Variants in SOS2 observed in about 807,000 individuals in gnomAD.
SOS2 encodes son of sevenless homolog 2.
A neutral mutation model predicts 148.2 loss-of-function variants in SOS2; 65 were observed. The observed-to-expected ratio is 0.44, with a 90% CI of 0.36 to 0.54. The LOEUF (loss-of-function observed/expected upper bound fraction) is 0.54, where lower values mean the gene tolerates loss of function less well. Among genes scored for constraint, SOS2 ranks in the 20% least tolerant of loss-of-function variants. The pLI is 0.00. For missense variants in SOS2, 1,341 were observed against 1,590.2 expected (o/e 0.84, Z 2.67); for synonymous variants, 539 against 537.1 (o/e 1.00, Z -0.05).
intron 21 of SOS2, among the ~76,000 whole-genome samples, chr14:50,128,131 A>T (rs1432180025): frequency 6.6e-6 from 1 of 152,186 alleles, no homozygotes; most frequent in Admixed American, 6.5e-5. Context: ...AAAGAAGATG[A>T]GGAATCCAAA....
intron 1 of SOS2, among the ~76,000 whole-genome samples, chr14:50,213,448 A>G (rs969881831): frequency 6.6e-6 from 1 of 152,190 alleles, no homozygotes; most frequent in African/African-American, 2.4e-5. Context: ...CTATGATCTC[A>G]GCACTTTGGG....
At chr14:50,189,105 A>ACACG (rs1260098449) in intron 4 of SOS2, among the ~76,000 whole-genome samples, 6 of 146,410 alleles carry the variant, frequency 4.1e-5, no homozygotes, top group African/African-American at 1.5e-4. Flanking sequence ...ACACACACGC[A>ACACG]CACACAAATA....
intron 1 of SOS2, among the ~76,000 whole-genome samples, chr14:50,209,712 T>A (rs1368945872): frequency 1.3e-5 from 2 of 150,940 alleles, no homozygotes; most frequent in Admixed American, 1.3e-4. Flanking sequence ...GAGCCATGAT[T>A]ATGCCACTGC....
chr14:50,225,252 G>T (rs1887334211), intron 1 of SOS2, among the ~76,000 whole-genome samples: 1 of 152,104 alleles, frequency 6.6e-6, no homozygotes, highest in Non-Finnish European at 1.5e-5. Context: ...ACTGCACCTG[G>T]CCCATGGAAG....
chr14:50,130,757 C>T lies in SOS2; in HGVS notation c.3081G>A (p.Arg1027=). Residue 1027 remains arginine (R), a synonymous_variant, in exon 20 of 23, where the codon AGG becomes AGA. Coordinates refer to ENST00000216373, the MANE Select transcript of SOS2 (RefSeq NM_006939.4). The part of the protein sequence containing the change: ...RNCKQPPRFP[R]KSTFSLKSPG... ...GAGATTTTAAGGAAAAAGTTGATTT[C>T]CTAGGCTGAGAAAAGCAAACATAAT... 6.3e-7 allele frequency: 1 copy of T among 1,596,368 alleles called. No individual in the cohort carries two copies.
chr14:50,125,861 G>A (rs1390113541), intron 21 of SOS2, among the ~76,000 whole-genome samples: 2 of 152,192 alleles, frequency 1.3e-5, no homozygotes, highest in Non-Finnish European at 2.9e-5. Context: ...CCAGACTTGG[G>A]ATACTAGTCT....
intron 21 of SOS2, among the ~76,000 whole-genome samples, chr14:50,129,541 T>C (rs1426124055): frequency 6.6e-6 from 1 of 152,122 alleles, no homozygotes; most frequent in Non-Finnish European, 1.5e-5. Flanking sequence ...TGCACCACCA[T>C]ATCCGGCTAA....
chr14:50,164,011 T>C (rs931554939), intron 8 of SOS2, among the ~76,000 whole-genome samples: 2 of 152,236 alleles, frequency 1.3e-5, no homozygotes, highest in African/African-American at 2.4e-5. Context: ...ACAACGGCTC[T>C]GTTTGGCATA....
At chr14:50,195,108 A>G (rs1215850077) in intron 4 of SOS2, among the ~76,000 whole-genome samples, 1 of 152,200 alleles carries the variant, frequency 6.6e-6, no homozygotes, top group African/African-American at 2.4e-5. Context: ...ACAAAAAATC[A>G]ACAAGCACAA....
At chr14:50,218,223 A>G (rs968653619) in intron 1 of SOS2, among the ~76,000 whole-genome samples, 1 of 90,452 alleles carries the variant, frequency 1.1e-5, no homozygotes, top group African/African-American at 5.0e-5. Context: ...AAAAGGAAAA[A>G]AAAAAAAAAA....
chr14:50,132,061 G>A (rs1385267930), intron 19 of SOS2, among the ~76,000 whole-genome samples: 1 of 152,104 alleles, frequency 6.6e-6, no homozygotes, highest in Non-Finnish European at 1.5e-5. Context: ...TCAATGAAAT[G>A]TTAAATAAGT....
chr14:50,212,118 C>G (rs1024054526), intron 1 of SOS2, among the ~76,000 whole-genome samples: 1 of 152,148 alleles, frequency 6.6e-6, no homozygotes, highest in Admixed American at 6.5e-5. Context: ...AAAAAATAAA[C>G]AAATTCAGAA....
intron 1 of SOS2, among the ~76,000 whole-genome samples, chr14:50,207,731 C>A (rs1886711884): frequency 6.6e-6 from 1 of 151,208 alleles, no homozygotes; most frequent in Non-Finnish European, 1.5e-5. Flanking sequence ...CCTGGTGAAA[C>A]CCCGTCTCTA....
chr14:50,226,297 G>A (rs1346836906), intron 1 of SOS2, among the ~76,000 whole-genome samples: 1 of 152,116 alleles, frequency 6.6e-6, no homozygotes, highest in Non-Finnish European at 1.5e-5. Flanking sequence ...CCAGAAAGAA[G>A]CACAAATGTT....
chr14:50,191,096 T>C lies in SOS2; in HGVS notation c.511-2396A>G, dbSNP rs182725081. 3.0e-3 allele frequency among the ~76,000 whole-genome samples: 457 copies of C among 152,266 alleles called. 2 individuals carry two copies. The highest frequency in any genetic ancestry group is 0.01 in the African/African-American group (421 of 41,550). Reference sequence around the variant, plus strand: ...ACTATTGATCTAGTGTCAAATCTAATGGTGTGTTTTAGTCTTCCTACTTGT... The same window carrying C: ...ACTATTGATCTAGTGTCAAATCTAACGGTGTGTTTTAGTCTTCCTACTTGT... On this transcript the variant is annotated intron_variant, in intron 4 of 22. Transcript: ENST00000216373.
At chr14:50,142,210 G>C (rs1566824426) in intron 16 of SOS2, among the ~76,000 whole-genome samples, 1 of 151,960 alleles carries the variant, frequency 6.6e-6, no homozygotes, top group Non-Finnish European at 1.5e-5. Context: ...GTTTCATCAT[G>C]TTGGCCAGGC....
At chr14:50,191,502 T>C (rs10151344) in intron 4 of SOS2, among the ~76,000 whole-genome samples, 131,557 of 151,970 alleles carry the variant, frequency 0.87, 57,040 homozygotes, top group East Asian at 0.91. Flanking sequence ...ACCCCCCAGC[T>C]CCAAACAATT....
chr14:50,193,505 C>T lies in SOS2; in HGVS notation c.511-4805G>A, dbSNP rs1359481283. Among the ~76,000 whole-genome samples, 3 of 152,154 alleles carry T rather than the reference C, an allele frequency of 2.0e-5. No homozygotes were observed. The East Asian group carries it at 5.8e-4, about 29-fold the overall frequency. ...AGCAATCTTTGATATGCTAGAATAC[C>T]TCATATAGCCACATGTTATTTTTAT... On this transcript the variant is annotated intron_variant, in intron 4 of 22. Coordinates refer to ENST00000216373, the MANE Select transcript of SOS2 (RefSeq NM_006939.4).
At chr14:50,217,016 G>C (rs1887058223) in intron 1 of SOS2, among the ~76,000 whole-genome samples, 1 of 152,128 alleles carries the variant, frequency 6.6e-6, no homozygotes, top group South Asian at 2.1e-4. Flanking sequence ...CTCTAAAGAA[G>C]AACAAAGTTG....
Sources: allele counts gnomAD v4.1 joint callset (sites outside exome capture counted in the v4.1 genomes callset), GRCh38; gene constraint gnomAD v4.1.1; transcripts MANE v1.5; gene names NCBI Gene and HGNC (gene_info 2026-07-23, HGNC 2026-07-21).